The following OPN3 variants were observed in gnomAD, a reference collection of about 807,000 sequenced individuals.
OPN3 encodes the protein opsin 3, also known as opsin-3.
OPN3 carries 29 observed loss-of-function variants against 33.8 expected under a neutral mutation model. That is an observed-to-expected ratio of 0.86 (90% CI 0.64 to 1.17). The LOEUF (loss-of-function observed/expected upper bound fraction) is 1.17. OPN3 is among the 50% of genes most tolerant of loss of function. The probability of loss-of-function intolerance (pLI) is 0.00; values close to 1 mark genes in which losing one functional copy is unlikely to be tolerated. For synonymous variants in OPN3, 216 were observed against 216.1 expected, an observed-to-expected ratio of 1.00 and a Z score of 0.00; for missense variants, 437 against 514.1, an observed-to-expected ratio of 0.85 and a Z score of 1.45.
At chr1:241,617,222 C>A (rs756568108) in intron 1 of OPN3, among the ~76,000 whole-genome samples, 10 of 152,162 alleles carry the variant, frequency 6.6e-5, no homozygotes, top group Non-Finnish European at 1.3e-4. Context: ...AGAACCCAGA[C>A]CTTCTGACTG....
At chr1:241,633,800 T>C in intron 1 of OPN3, 1 of 1,613,386 alleles carries the variant, frequency 6.2e-7, no homozygotes, top group South Asian at 1.1e-5. Context: ...TCTTTTCTAA[T>C]TTTGAAGGTG....
At chr1:241,638,343 G>C (rs1664982913) in intron 1 of OPN3, among the ~76,000 whole-genome samples, 1 of 152,156 alleles carries the variant, frequency 6.6e-6, no homozygotes, top group African/African-American at 2.4e-5. Context: ...GAGGAAGAGG[G>C]TGGATGACAG....
At chr1:241,613,647 C>G (rs1664052644) in intron 1 of OPN3, among the ~76,000 whole-genome samples, 1 of 152,046 alleles carries the variant, frequency 6.6e-6, no homozygotes. Context: ...AATAATATCT[C>G]TCAGCTGTTA....
At chr1:241,615,709 G>C in intron 1 of OPN3, 1 of 392,796 alleles carries the variant, frequency 2.5e-6, no homozygotes. Context: ...GACTCTATTC[G>C]TGTGCCATCC....
rs762112330 is a variant in OPN3, at chr1:241,639,921, C to T, written c.334G>A (p.Val112Met). 1.9e-6 allele frequency: 3 copies of T among 1,602,818 alleles called. No individual in the cohort carries two copies. Among genetic ancestry groups the T allele is most frequent in the East Asian group, 4.6e-5 (2 of 43,620 alleles). Reference protein sequence around the residue: ...CLRNGWVWDTVGCVWDGFSGS... With the variant: ...CLRNGWVWDTMGCVWDGFSGS... Reference sequence around the variant, plus strand: ...CTAAACCCGTCCCACACGCAGCCCACGGTGTCCCACACCCAGCCGTTCCTC... The same window carrying T: ...CTAAACCCGTCCCACACGCAGCCCATGGTGTCCCACACCCAGCCGTTCCTC... Residue 112 changes from valine to methionine, a missense_variant, in exon 1 of 4, where the codon GTG (valine) becomes ATG (methionine). Transcript: ENST00000366554.
chr1:241,594,403 C>G lies in OPN3; in HGVS notation c.*25G>C. 6.2e-7 allele frequency: 1 copy of G among 1,602,222 alleles called. No individual in the cohort carries two copies. Among genetic ancestry groups the G allele is most frequent in the Non-Finnish European group, 8.5e-7 (1 of 1,172,496 alleles). On this transcript the variant is annotated 3_prime_UTR_variant, in exon 4 of 4. Transcript: ENST00000366554. ...AAAAGTGGCATCCAATTTAAGGCCC[C>G]ATCTTTCGTTGCCATTCTTCATTCC... is the stretch of plus-strand genomic sequence containing the variant.
At chr1:241,635,601 G>C (rs761521650) in intron 1 of OPN3, 7 of 1,613,968 alleles carry the variant, frequency 4.3e-6, no homozygotes, top group Non-Finnish European at 5.9e-6. Flanking sequence ...AACCAGGATA[G>C]CAATCCTGAA....
At chr1:241,616,973 C>CA (rs1664149401) in intron 1 of OPN3, among the ~76,000 whole-genome samples, 1 of 152,108 alleles carries the variant, frequency 6.6e-6, no homozygotes, top group Non-Finnish European at 1.5e-5. Context: ...AGTCAAATGA[C>CA]AATCCTGTTG....
chr1:241,620,320 A>G (rs960806955), intron 1 of OPN3, among the ~76,000 whole-genome samples: 1 of 152,216 alleles, frequency 6.6e-6, no homozygotes, highest in African/African-American at 2.4e-5. Flanking sequence ...ATTTTATTTT[A>G]CCCAACTGGT....
At chr1:241,639,664 G>T (rs1486703632) in intron 1 of OPN3, among the ~76,000 whole-genome samples, 1 of 151,748 alleles carries the variant, frequency 6.6e-6, no homozygotes, top group Non-Finnish European at 1.5e-5. Context: ...GACAGCGTGG[G>T]GCGGGAGGGG....
At chr1:241,616,600 G>A (rs894837084) in intron 1 of OPN3, among the ~76,000 whole-genome samples, 14 of 151,642 alleles carry the variant, frequency 9.2e-5, no homozygotes, top group African/African-American at 3.4e-4. Flanking sequence ...TTTTGGCACC[G>A]AGAATAGTAC....
At chr1:241,603,357 G>A (rs1332434072) in intron 2 of OPN3, among the ~76,000 whole-genome samples, 1 of 152,186 alleles carries the variant, frequency 6.6e-6, no homozygotes, top group Non-Finnish European at 1.5e-5. Context: ...AAATTAAAAT[G>A]AGAAATGAGT....
chr1:241,604,908 A>T (rs1236839045), intron 1 of OPN3, among the ~76,000 whole-genome samples: 8 of 151,972 alleles, frequency 5.3e-5, no homozygotes, highest in Admixed American at 5.2e-4. Context: ...TACAAAAATT[A>T]GCCAGATGTG....
intron 1 of OPN3, chr1:241,634,272 T>C: frequency 1.1e-5 from 17 of 1,613,986 alleles, no homozygotes; most frequent in Non-Finnish European, 1.1e-5. Flanking sequence ...ATGCATGTCA[T>C]GGTTGAAGAA....
At chr1:241,639,837 T>A in intron 1 of OPN3, 45 bp downstream of exon 1, 2 of 1,411,538 alleles carry the variant, frequency 1.4e-6, no homozygotes, top group Non-Finnish European at 1.9e-6. Flanking sequence ...GGGTGGGGAG[T>A]GGAAGTTTGC....
chr1:241,600,124 T>G (rs1663643054), intron 2 of OPN3, among the ~76,000 whole-genome samples: 1 of 152,182 alleles, frequency 6.6e-6, no homozygotes, highest in South Asian at 2.1e-4. Context: ...AGGAGAACAC[T>G]CATTTATCCA....
Position 241,628,160 on chromosome 1 carries a change from A to T in OPN3, c.373+11722T>A, listed in dbSNP as rs148775833. 3.5e-3 allele frequency among the ~76,000 whole-genome samples: 538 copies of T among 152,304 alleles called. 2 individuals are homozygous for T. The highest frequency in any genetic ancestry group is 0.014 in the Middle Eastern group (4 of 294). Reference sequence around the variant, plus strand: ...CCTTTTAAAAGGGATGCCGTGCACAAGGCAGAGACTTCTGTTTTGTTTTTT... The same window carrying T: ...CCTTTTAAAAGGGATGCCGTGCACATGGCAGAGACTTCTGTTTTGTTTTTT... On this transcript the variant is annotated intron_variant, in intron 1 of 3. Transcript: ENST00000366554.
chr1:241,594,880 T>G, intron 3 of OPN3, 189 bp from the exon 4 acceptor site: 5 of 606,608 alleles, frequency 8.2e-6, no homozygotes, highest in Non-Finnish European at 1.4e-5. Context: ...TTATTCATTC[T>G]AATTCTTATT....
chr1:241,613,949 C>G (rs73139006), intron 1 of OPN3: 13,291 of 152,146 alleles, frequency 0.087, 720 homozygotes, highest in African/African-American at 0.15. Flanking sequence ...AGGCAGATCA[C>G]CTGAGGTCAG....
Sources: gnomAD v4.1 joint callset for allele counts (sites outside exome capture counted in the v4.1 genomes callset) on GRCh38, gnomAD v4.1.1 for gene constraint, MANE v1.5 for transcripts, NCBI Gene and HGNC (gene_info 2026-07-23, HGNC 2026-07-21) for gene names.